The following HSD17B12 variants were observed in gnomAD, a reference collection of about 807,000 sequenced individuals.
The protein encoded by HSD17B12 is very-long-chain 3-oxoacyl-CoA reductase.
In HSD17B12, 32 loss-of-function variants were observed where a neutral mutation model predicts 39.3. The observed-to-expected ratio is 0.81, with a 90% CI of 0.61 to 1.09. The LOEUF (loss-of-function observed/expected upper bound fraction) is 1.09. HSD17B12 is among the 50% of genes least tolerant of loss of function. The pLI is 0.00. For synonymous variants in HSD17B12, 150 were observed against 146.7 expected (o/e 1.02, Z -0.16); for missense variants, 342 against 382.9 (o/e 0.89, Z 0.89).
At chr11:43,657,815 C>T in the HSD17B12 span, among the ~76,000 whole-genome samples, 1 of 152,222 alleles carries the variant, frequency 6.6e-6, no homozygotes, top group East Asian at 1.9e-4. Context: ...CCCGACCTTT[C>T]TCTCTGGCTA....
At chr11:43,766,657 C>T (rs541956718) in intron 3 of HSD17B12, among the ~76,000 whole-genome samples, 20 of 152,250 alleles carry the variant, frequency 1.3e-4, no homozygotes, top group South Asian at 1.2e-3. Flanking sequence ...TTTTGTATTT[C>T]GTTGTACCAG....
chr11:43,790,469 G>C (rs1019859345), intron 3 of HSD17B12, among the ~76,000 whole-genome samples: 2 of 152,210 alleles, frequency 1.3e-5, no homozygotes, highest in Non-Finnish European at 2.9e-5. Flanking sequence ...GTCTGCAGGG[G>C]ATATGCCACA....
chr11:43,612,073 T>A, the HSD17B12 span, among the ~76,000 whole-genome samples: 1 of 152,216 alleles, frequency 6.6e-6, no homozygotes, highest in East Asian at 1.9e-4. Context: ...ATCAGGGTAC[T>A]CCTATCTTCT....
intron 1 of HSD17B12, among the ~76,000 whole-genome samples, chr11:43,682,795 T>G (rs536069256): frequency 6.6e-6 from 1 of 151,726 alleles, no homozygotes; most frequent in Non-Finnish European, 1.5e-5. Context: ...CTTTTCTTTT[T>G]TTTTTTGAGA....
chr11:43,561,751 G>C, the HSD17B12 span, among the ~76,000 whole-genome samples: 10,697 of 152,058 alleles, frequency 0.07, 881 homozygotes, highest in East Asian at 0.46. Context: ...AAAAGAAAAA[G>C]AATTATTCTT....
At chr11:43,759,886 C>T (rs2134962753) in intron 3 of HSD17B12, among the ~76,000 whole-genome samples, 1 of 151,774 alleles carries the variant, frequency 6.6e-6, no homozygotes, top group South Asian at 2.1e-4. Flanking sequence ...TACCACCACA[C>T]TTGGCTGATT....
intron 6 of HSD17B12, among the ~76,000 whole-genome samples, chr11:43,820,527 A>G (rs1229536222): frequency 6.6e-6 from 1 of 152,206 alleles, no homozygotes; most frequent in Admixed American, 6.5e-5. Flanking sequence ...GGGGTAACTT[A>G]AAAGAAGATG....
chr11:43,650,166 A>G, the HSD17B12 span, among the ~76,000 whole-genome samples: 1 of 152,164 alleles, frequency 6.6e-6, no homozygotes, highest in African/African-American at 2.4e-5. Flanking sequence ...ATACTGGGGG[A>G]AAATTTTTGT....
At chr11:43,605,022 T>C in the HSD17B12 span, among the ~76,000 whole-genome samples, 2 of 152,190 alleles carry the variant, frequency 1.3e-5, no homozygotes, top group African/African-American at 2.4e-5. Context: ...AGCTGCTATG[T>C]ATGGAAAACT....
At chr11:43,614,658 T>G in the HSD17B12 span, among the ~76,000 whole-genome samples, 2 of 152,158 alleles carry the variant, frequency 1.3e-5, no homozygotes, top group Non-Finnish European at 1.5e-5. Flanking sequence ...CCTGAGACCA[T>G]TTTTTATTAT....
the HSD17B12 span, among the ~76,000 whole-genome samples, chr11:43,624,767 A>G: frequency 6.6e-6 from 1 of 151,860 alleles, no homozygotes; most frequent in Non-Finnish European, 1.5e-5. Flanking sequence ...ACTGGGCAGC[A>G]AATTTCAAGG....
At chr11:43,820,593 G>A (rs1951172650) in intron 6 of HSD17B12, among the ~76,000 whole-genome samples, 1 of 152,204 alleles carries the variant, frequency 6.6e-6, no homozygotes, top group African/African-American at 2.4e-5. Flanking sequence ...GACATCAGGG[G>A]AACTGGGGCA....
chr11:43,667,906 T>C, the HSD17B12 span, among the ~76,000 whole-genome samples: 2 of 152,096 alleles, frequency 1.3e-5, no homozygotes, highest in Non-Finnish European at 1.5e-5. Flanking sequence ...GACAAACAGG[T>C]CTTTATGAAA....
At chr11:43,724,204 A>G (rs1303060285) in intron 1 of HSD17B12, 1 of 147,712 alleles carries the variant, frequency 6.8e-6, no homozygotes, top group African/African-American at 2.5e-5. Flanking sequence ...GTTTTTATAT[A>G]TTTATGTGTA....
chr11:43,706,724 T>TGTGTTGG (rs1204580097), intron 1 of HSD17B12, among the ~76,000 whole-genome samples: 51 of 80,344 alleles, frequency 6.3e-4, no homozygotes, highest in South Asian at 2.6e-3. Flanking sequence ...GTGTGTGTTG[T>TGTGTTGG]GGGGGGTGGG....
At chr11:43,697,014 G>A (rs942060054) in intron 1 of HSD17B12, among the ~76,000 whole-genome samples, 1 of 152,012 alleles carries the variant, frequency 6.6e-6, no homozygotes, top group East Asian at 1.9e-4. Context: ...CTTGTTGCGG[G>A]GGGTGGGAGG....
At chr11:43,706,943 T>C (rs917959493) in intron 1 of HSD17B12, among the ~76,000 whole-genome samples, 4 of 152,152 alleles carry the variant, frequency 2.6e-5, no homozygotes, top group African/African-American at 9.7e-5. Flanking sequence ...TCTTTTTCTA[T>C]TTTTTGTTAT....
At chr11:43,623,866 A>G in the HSD17B12 span, among the ~76,000 whole-genome samples, 1 of 152,058 alleles carries the variant, frequency 6.6e-6, no homozygotes, top group Non-Finnish European at 1.5e-5. Flanking sequence ...CTCAGATACA[A>G]GCCATCAGTG....
intron 1 of HSD17B12, among the ~76,000 whole-genome samples, chr11:43,721,375 T>C (rs1950174668): frequency 6.6e-6 from 1 of 151,832 alleles, no homozygotes; most frequent in Non-Finnish European, 1.5e-5. Context: ...TCTCAGCACG[T>C]TTGGAGGCTG....
Sources: gnomAD v4.1 joint callset for allele counts (sites outside exome capture counted in the v4.1 genomes callset) on GRCh38, gnomAD v4.1.1 for gene constraint, MANE v1.5 for transcripts, NCBI Gene and HGNC (gene_info 2026-07-23, HGNC 2026-07-21) for gene names.